Variants in EHMT1 observed in about 807,000 individuals in gnomAD.
The protein encoded by EHMT1 is euchromatic histone lysine methyltransferase 1, also known as histone-lysine N-methyltransferase EHMT1.
A neutral mutation model predicts 147.2 loss-of-function variants in EHMT1; 15 were observed. The observed-to-expected ratio is 0.10, with a 90% CI of 0.07 to 0.16. EHMT1 has a LOEUF of 0.16. Ranked by LOEUF, EHMT1 falls within the 10% of genes least tolerant of loss-of-function variation. The pLI, the probability that EHMT1 is intolerant of heterozygous loss-of-function variation, is 1.00. For synonymous variants in EHMT1, 795 were observed against 709.6 expected (o/e 1.12, Z -1.91); for missense variants, 1,587 against 1,772.4 (o/e 0.90, Z 1.88).
intron 1 of EHMT1, among the ~76,000 whole-genome samples, chr9:137,705,473 G>T (rs1944186498): frequency 6.6e-6 from 1 of 152,216 alleles, no homozygotes; most frequent in Non-Finnish European, 1.5e-5. Flanking sequence ...ATTGGAATGT[G>T]TGCATGCTTC....
chr9:137,645,069 C>T lies in EHMT1; in HGVS notation c.21+26020C>T, dbSNP rs145565290. Among the ~76,000 whole-genome samples, 947 of 152,212 alleles carry T rather than the reference C, an allele frequency of 6.2e-3. 8 individuals carry two copies. Among genetic ancestry groups the T allele is most frequent in the African/African-American group, 0.021 (885 of 41,534 alleles). ...TGTATTTTTAGTAGAGACGGGGTTT[C>T]GCCATGTTGGCCAGGCTGCTCTCGA... is the stretch of plus-strand genomic sequence containing the variant. On this transcript the variant is annotated intron_variant, in intron 1 of 26. Coordinates refer to ENST00000460843, the MANE Select transcript of EHMT1 (RefSeq NM_024757.5).
rs72766927 is a variant in EHMT1, at chr9:137,717,220, A to G, written c.642+38A>G. The stretch of plus-strand genomic sequence containing the variant: ...CTTCTCTTGCTGTTTCCTTTTTCCC[A>G]TCTCTTTTGTTTTAATAACGGCAAA... On this transcript the variant is annotated intron_variant, in intron 3 of 26. Coordinates refer to ENST00000460843, the MANE Select transcript of EHMT1 (RefSeq NM_024757.5). 0.057 allele frequency: 91,402 copies of G among 1,605,212 alleles called. 2,961 individuals are homozygous for G. The highest frequency in any genetic ancestry group is 0.065 in the Non-Finnish European group (77,020 of 1,178,814).
In EHMT1 at chr9:137,835,029, C is replaced by G. The variant is rs966013056; in HGVS notation, c.*76C>G. 1 of 1,333,944 alleles carries G rather than the reference C, an allele frequency of 7.5e-7. No individual in the cohort carries two copies. Among genetic ancestry groups the G allele is most frequent in the African/African-American group, 1.6e-5 (1 of 63,826 alleles). 82.6% of individuals were successfully genotyped at this position (1,333,944 alleles called of 1,614,324 possible). A position where few individuals can be genotyped will look rare whatever the true frequency, so the allele number is the denominator to read the frequency against. On this transcript the variant is annotated 3_prime_UTR_variant, in exon 27 of 27. Transcript: ENST00000460843. Reference sequence around the variant, plus strand: ...GATTAGAGGACGAGGAGGAGAGATTCCGCACGCAACCGAAAGGGTCCTTCG... The same window carrying G: ...GATTAGAGGACGAGGAGGAGAGATTGCGCACGCAACCGAAAGGGTCCTTCG...
intron 13 of EHMT1, among the ~76,000 whole-genome samples, chr9:137,778,263 G>C (rs948489516): frequency 3.9e-5 from 6 of 152,226 alleles, no homozygotes; most frequent in Non-Finnish European, 5.9e-5. Context: ...TGACACCTTT[G>C]AAGTCCTAAG....
At chr9:137,826,303 T>A (rs2132993508) in intron 25 of EHMT1, among the ~76,000 whole-genome samples, 1 of 152,348 alleles carries the variant, frequency 6.6e-6, no homozygotes, top group East Asian at 1.9e-4. Flanking sequence ...TCTCCTCATG[T>A]TTCTGGTTAG....
At chr9:137,684,276 GC>G (rs1193899002) in intron 1 of EHMT1, among the ~76,000 whole-genome samples, 1 of 151,982 alleles carries the variant, frequency 6.6e-6, no homozygotes, top group African/African-American at 2.4e-5. Flanking sequence ...CAAGCAATCT[GC>G]CCGCCTTGGC....
chr9:137,660,864 G>A (rs1178557155), intron 1 of EHMT1, among the ~76,000 whole-genome samples: 2 of 152,148 alleles, frequency 1.3e-5, no homozygotes, highest in African/African-American at 4.8e-5. Flanking sequence ...TACTGCTGTT[G>A]TAGAATAACC....
At chr9:137,800,831 T>G in intron 17 of EHMT1, 49 bp from the exon 18 acceptor site, 1 of 1,556,362 alleles carries the variant, frequency 6.4e-7, no homozygotes, top group African/African-American at 1.4e-5. Context: ...ATTGCTCTGG[T>G]GGTTGCCGGT....
At chr9:137,758,119 C>T (rs3123518) in intron 9 of EHMT1, 108 bp downstream of exon 9, 22 of 1,455,364 alleles carry the variant, frequency 1.5e-5, no homozygotes, top group Admixed American at 3.4e-5. Flanking sequence ...AGTAGAAGAT[C>T]GGGTTAACTG....
rs560937389 is a variant in EHMT1 at position 137,621,243 on chromosome 9, A to G, written c.21+2194A>G. Among the ~76,000 whole-genome samples, 21 of 152,356 alleles carry G rather than the reference A, an allele frequency of 1.4e-4. No homozygotes were observed. The East Asian group carries it at 3.7e-3, about 27-fold the overall frequency. ...CAGCAACTCTGGCCTTCTGGACAGT[A>G]GGTAGGCATGTGATCACTGTTGTCA... On this transcript the variant is annotated intron_variant, in intron 1 of 26. Coordinates refer to ENST00000460843, the MANE Select transcript of EHMT1 (RefSeq NM_024757.5).
rs527892622 is a variant in EHMT1 at position 137,775,795 on chromosome 9, C to T, written c.1791+543C>T. The stretch of plus-strand genomic sequence containing the variant: ...GGTCATCAGTTACTTCAATGTCAAA[C>T]ATCTGTGCTCAGCCGTGCCCAGGGC... On this transcript the variant is annotated intron_variant, in intron 11 of 26. Transcript: ENST00000460843. The surrounding 1 kb of genome is among the most constrained non-coding windows in gnomAD (Gnocchi z 6.1). 8.6e-4 allele frequency among the ~76,000 whole-genome samples: 131 copies of T among 152,132 alleles called. No individual in the cohort carries two copies. The highest frequency in any genetic ancestry group is 3.0e-3 in the African/African-American group (126 of 41,514).
At position 137,834,924 on chromosome 9, in the gene EHMT1, A is replaced by C; in HGVS notation, c.3868A>C (p.Ser1290Arg). 2 of 1,556,348 alleles carry C rather than the reference A, an allele frequency of 1.3e-6. No homozygotes were observed. Among genetic ancestry groups the C allele is most frequent in the Non-Finnish European group, 1.7e-6 (2 of 1,155,118 alleles). ...CCAGGAGGACGGCTTGCCCGACACC[A>C]GCTCCGCGGCTGCCGCCGACCCCCT... ...EAQEDGLPDT[S>R]SAAAADPL Residue 1290 changes from serine to arginine, a missense_variant, in exon 27 of 27, where the codon AGC becomes CGC. Physicochemically the swap from Ser to Arg is moderately radical, Grantham distance 110. Coordinates refer to ENST00000460843, the MANE Select transcript of EHMT1 (RefSeq NM_024757.5).
intron 1 of EHMT1, among the ~76,000 whole-genome samples, chr9:137,633,873 G>A (rs1843790922): frequency 6.7e-6 from 1 of 150,090 alleles, no homozygotes; most frequent in South Asian, 2.1e-4. Flanking sequence ...CTAGGCTGGA[G>A]TGCAATCTAG....
At chr9:137,771,476 C>T (rs943416342) in intron 10 of EHMT1, among the ~76,000 whole-genome samples, 9 of 152,150 alleles carry the variant, frequency 5.9e-5, no homozygotes, top group African/African-American at 1.4e-4. Context: ...TGAGCCATTG[C>T]GCCCTGCTAT....
chr9:137,780,790 G>A (rs1951386156), intron 14 of EHMT1, among the ~76,000 whole-genome samples: 1 of 104,000 alleles, frequency 9.6e-6, no homozygotes. Flanking sequence ...GCTGAGATGT[G>A]TGGTGATGAC....
At chr9:137,822,297 T>A (rs1053420515) in intron 25 of EHMT1, among the ~76,000 whole-genome samples, 8 of 152,228 alleles carry the variant, frequency 5.3e-5, no homozygotes, top group African/African-American at 1.4e-4. Flanking sequence ...TGGGCCTCCG[T>A]CCTTTCCAGT....
At chr9:137,800,771 C>T (rs1388617238) in intron 17 of EHMT1, 109 bp from the exon 18 acceptor site, 9 of 914,648 alleles carry the variant, frequency 9.8e-6, no homozygotes, top group Middle Eastern at 2.5e-4. Context: ...GACGCCTGCA[C>T]GAGGGGCATG....
At chr9:137,683,794 A>T (rs181559504) in intron 1 of EHMT1, among the ~76,000 whole-genome samples, 129 of 152,278 alleles carry the variant, frequency 8.5e-4, no homozygotes, top group Admixed American at 3.1e-3. Flanking sequence ...TATTTAAATT[A>T]AAAAAATTAT....
chr9:137,829,877 C>T (rs1248121258), intron 25 of EHMT1, among the ~76,000 whole-genome samples: 2 of 152,222 alleles, frequency 1.3e-5, no homozygotes, highest in Non-Finnish European at 2.9e-5. Context: ...CTGGCCACCC[C>T]GAGCATCCAT....
Sources: allele counts gnomAD v4.1 joint callset (sites outside exome capture counted in the v4.1 genomes callset), GRCh38; gene constraint gnomAD v4.1.1; non-coding constraint Gnocchi (gnomAD v3.1); transcripts MANE v1.5; gene names NCBI Gene and HGNC (gene_info 2026-07-23, HGNC 2026-07-21).